The following TIMMDC1 variants were observed in gnomAD, a reference collection of about 807,000 sequenced individuals.
TIMMDC1 encodes the protein complex I assembly factor TIMMDC1, mitochondrial.
Under a neutral mutation model 32.6 loss-of-function variants are expected in TIMMDC1, and 25 were observed. That is an observed-to-expected ratio of 0.77 (90% CI 0.56 to 1.07). The LOEUF is 1.07. Ranked by LOEUF, TIMMDC1 falls within the 50% of genes least tolerant of loss-of-function variation. The pLI is 0.00. For missense variants in TIMMDC1, 329 were observed against 349.2 expected (o/e 0.94, Z 0.46); for synonymous variants, 130 against 127.6 (o/e 1.02, Z -0.13).
At position 119,523,746 on chromosome 3, in the gene TIMMDC1, A is replaced by T; in HGVS notation, c.848A>T (p.Asp283Val). The change falls in exon 7 of 7, where the codon GAC becomes GTC. Residue 283 changes from aspartate to valine, a missense_variant. Transcript: ENST00000494664. The stretch of plus-strand genomic sequence containing the variant: ...AACCCTTCAGTAATAGATAAACAAG[A>T]CAAGGACTGAAAGTGCTCTGAACTT... ...PRNPSVIDKQ[D>V]KD 6.2e-7 allele frequency: 1 copy of T among 1,604,624 alleles called. No individual in the cohort carries two copies. The highest frequency in any genetic ancestry group is 8.5e-7 in the Non-Finnish European group (1 of 1,176,370).
At chr3:119,517,135 C>T in intron 5 of TIMMDC1, 70 bp from the exon 6 acceptor site, 2 of 918,024 alleles carry the variant, frequency 2.2e-6, no homozygotes, top group Non-Finnish European at 3.6e-6. Flanking sequence ...CACACCTTAG[C>T]AGAGAATCTC....
At position 119,500,429 on chromosome 3, in the gene TIMMDC1, TG is replaced by T. The variant is rs1407627464; in HGVS notation, c.195-265del. The stretch of plus-strand genomic sequence containing the variant: ...GCACTAAGAAAGAAATGGCAACTAT[TG>T]TAACATCCCAAAAGCTCCCCTTGTG... On this transcript the variant is annotated intron_variant, in intron 1 of 6. Coordinates refer to ENST00000494664, the MANE Select transcript of TIMMDC1 (RefSeq NM_016589.4). 1.1e-4 allele frequency: 37 copies of T among 347,724 alleles called. No individual in the cohort carries two copies. In the East Asian group the frequency reaches 1.9e-3, roughly 18 times the overall value. 21.5% of individuals were successfully genotyped at this position (347,724 alleles called of 1,614,324 possible).
In TIMMDC1 at chr3:119,523,694, A is replaced by G. The variant is rs1322754079; in HGVS notation, c.796A>G (p.Ile266Val). 1 of 1,613,634 alleles carries G rather than the reference A, an allele frequency of 6.2e-7. No homozygotes were observed. The highest frequency in any genetic ancestry group is 1.3e-5 in the African/African-American group (1 of 74,904). Residue 266 changes from isoleucine (I) to valine (V), a missense_variant, in exon 7 of 7, where the codon ATT becomes GTT. Coordinates refer to ENST00000494664, the MANE Select transcript of TIMMDC1 (RefSeq NM_016589.4). ...EDEPENDAKK[I>V]EALLNLPRNP... is the part of the protein sequence containing the mutation. ...TGAACCTGAGAATGATGCTAAGAAA[A>G]TTGAAGCACTGCTAAACCTTCCTAG...
intron 5 of TIMMDC1, among the ~76,000 whole-genome samples, chr3:119,516,131 T>G (rs957064942): frequency 6.6e-6 from 1 of 152,246 alleles, no homozygotes; most frequent in African/African-American, 2.4e-5. Flanking sequence ...ATTCACCATC[T>G]TAATCATATT....
intron 5 of TIMMDC1, among the ~76,000 whole-genome samples, chr3:119,515,429 C>T (rs1192343282): frequency 6.6e-6 from 1 of 152,162 alleles, no homozygotes; most frequent in Non-Finnish European, 1.5e-5. Flanking sequence ...TGCCACCAGC[C>T]AGGGAAAACT....
At chr3:119,520,410 A>G (rs1052409914) in intron 6 of TIMMDC1, among the ~76,000 whole-genome samples, 1 of 152,182 alleles carries the variant, frequency 6.6e-6, no homozygotes, top group African/African-American at 2.4e-5. Context: ...AGACATTACA[A>G]CTGATACCAC....
chr3:119,498,595 G>T lies in TIMMDC1; in HGVS notation c.-139G>T. ...GCGAGGCCGGGGACTGAAGGTGTGG[G>T]TGTCGAGCCCTCTGGCAGAGGGTTA... On this transcript the variant is annotated 5_prime_UTR_variant, in exon 1 of 7. Transcript: ENST00000494664. 1.3e-6 allele frequency: 1 copy of T among 762,716 alleles called. No individual in the cohort carries two copies. Among genetic ancestry groups the T allele is most frequent in the South Asian group, 1.7e-5 (1 of 59,258 alleles). 47.2% of individuals were successfully genotyped at this position (762,716 alleles called of 1,614,324 possible).
intron 1 of TIMMDC1, among the ~76,000 whole-genome samples, chr3:119,499,683 T>G (rs1233453237): frequency 6.6e-6 from 1 of 152,198 alleles, no homozygotes; most frequent in Non-Finnish European, 1.5e-5. Flanking sequence ...CCCAAAGTGC[T>G]GGGATTACAG....
rs368552654 is a variant in TIMMDC1 at position 119,517,207 on chromosome 3, C to T, written c.599C>T (p.Thr200Ile). The T allele has an allele frequency of 3.1e-6, 5 of 1,602,086 alleles. No individual in the cohort carries two copies. The highest frequency in any genetic ancestry group is 4.3e-6 in the Non-Finnish European group (5 of 1,169,566). ...AGGIIGALLG[T>I]PVGGLLMAFQ... Reference sequence around the variant, plus strand: ...CTTTCCCTCTCCTTTCTTCTCAGCACTCCTGTAGGAGGCCTGCTGATGGCA... The same window carrying T: ...CTTTCCCTCTCCTTTCTTCTCAGCATTCCTGTAGGAGGCCTGCTGATGGCA... Residue 200 changes from threonine (T) to isoleucine (I), a missense_variant and splice_region_variant, in exon 6 of 7, where the codon ACT becomes ATT. Physicochemically the swap from Thr to Ile is moderately conservative, Grantham distance 89. Coordinates refer to ENST00000494664, the MANE Select transcript of TIMMDC1 (RefSeq NM_016589.4).
rs532118198 is a variant in TIMMDC1, at chr3:119,520,137, A to T, written c.707+2822A>T. Among the ~76,000 whole-genome samples, 3 of 152,178 alleles carry T rather than the reference A, an allele frequency of 2.0e-5. No individual in the cohort carries two copies. The East Asian group carries it at 5.8e-4, about 29-fold the overall frequency. On this transcript the variant is annotated intron_variant, in intron 6 of 6. Transcript: ENST00000494664. Reference sequence around the variant, plus strand: ...CACTAACAGGGAAGTTTATAGCAATAAATGCCTCCATCAAAAAGTAGAAAT... The same window carrying T: ...CACTAACAGGGAAGTTTATAGCAATTAATGCCTCCATCAAAAAGTAGAAAT...
chr3:119,506,262 C>G (rs570237145), intron 4 of TIMMDC1, among the ~76,000 whole-genome samples: 6 of 152,200 alleles, frequency 3.9e-5, no homozygotes, highest in African/African-American at 4.8e-5. Context: ...CAGTGGCTCA[C>G]GCCTGTAACC....
chr3:119,515,747 C>T lies in TIMMDC1; in HGVS notation c.597-1458C>T, dbSNP rs11719448. ...ATATTCTGCTCTCCAGCTATCTTTT[C>T]ATCATGTGTTTTTAATGATCCATTG... On this transcript the variant is annotated intron_variant, in intron 5 of 6. Transcript: ENST00000494664. Among the ~76,000 whole-genome samples the T allele has an allele frequency of 0.15, 23,457 of 152,136 alleles. 2,352 individuals are homozygous for T. The highest frequency in any genetic ancestry group is 0.28 in the East Asian group (1,431 of 5,176).
At chr3:119,509,778 C>A (rs1027262145) in intron 4 of TIMMDC1, among the ~76,000 whole-genome samples, 1 of 151,784 alleles carries the variant, frequency 6.6e-6, no homozygotes, top group East Asian at 1.9e-4. Context: ...CTCCACCTTC[C>A]GGGTTCAAGG....
chr3:119,502,820 A>G (rs1384505545), intron 2 of TIMMDC1, among the ~76,000 whole-genome samples: 1 of 152,130 alleles, frequency 6.6e-6, no homozygotes, highest in Admixed American at 6.5e-5. Flanking sequence ...GTTGCCTCCC[A>G]AAGTGCTGAG....
At chr3:119,523,545 A>T in intron 6 of TIMMDC1, 61 bp from the exon 7 acceptor site, 1 of 1,463,574 alleles carries the variant, frequency 6.8e-7, no homozygotes, top group Admixed American at 2.4e-5. Flanking sequence ...TTTTTGTTTT[A>T]AATCTGTAAG....
At chr3:119,515,559 G>C (rs2081980691) in intron 5 of TIMMDC1, among the ~76,000 whole-genome samples, 1 of 152,076 alleles carries the variant, frequency 6.6e-6, no homozygotes, top group African/African-American at 2.4e-5. Flanking sequence ...TATAATCATG[G>C]GCATAATATA....
intron 4 of TIMMDC1, among the ~76,000 whole-genome samples, chr3:119,506,806 CT>C: frequency 6.6e-6 from 1 of 152,304 alleles, no homozygotes; most frequent in African/African-American, 2.4e-5. Context: ...CCATGCGCCA[CT>C]CTTTTGCTTT....
At chr3:119,503,416 T>G in intron 2 of TIMMDC1, 116 bp from the exon 3 acceptor site, 1 of 665,392 alleles carries the variant, frequency 1.5e-6, no homozygotes, top group East Asian at 2.9e-5. Context: ...TTTCTAGTAT[T>G]TCTATCTGTT....
chr3:119,500,367 T>G, intron 1 of TIMMDC1: 1 of 197,454 alleles, frequency 5.1e-6, no homozygotes, highest in Non-Finnish European at 1.0e-5. Flanking sequence ...AGTATACTGA[T>G]GGATGAATTT....
Sources: gnomAD v4.1 joint callset for allele counts (sites outside exome capture counted in the v4.1 genomes callset) on GRCh38, gnomAD v4.1.1 for gene constraint, MANE v1.5 for transcripts, NCBI Gene and HGNC (gene_info 2026-07-23, HGNC 2026-07-21) for gene names.